UCHL5: variants seen among roughly 807,000 people sequenced by gnomAD.
UCHL5 encodes the protein ubiquitin C-terminal hydrolase L5, also known as ubiquitin carboxyl-terminal hydrolase isozyme L5.
Under a neutral mutation model 53.8 loss-of-function variants are expected in UCHL5, and 34 were observed. That is an observed-to-expected ratio of 0.63 (90% CI 0.48 to 0.84). UCHL5 has a LOEUF of 0.84. Ranked by LOEUF, UCHL5 falls within the 40% of genes least tolerant of loss-of-function variation. UCHL5 has a pLI of 0.00. For synonymous variants in UCHL5, 111 were observed against 126.3 expected (o/e 0.88, Z 0.81); for missense variants, 290 against 385.6 (o/e 0.75, Z 2.08).
intron 7 of UCHL5, 133 bp downstream of exon 7, chr1:193,027,952 G>A (rs766873272): frequency 1.3e-5 from 19 of 1,488,572 alleles, no homozygotes; most frequent in Middle Eastern, 4.1e-4. Flanking sequence ...GTGAAAACCC[G>A]TCTCTACGAA....
At chr1:193,043,151 T>TAAAAAAAAAAAAAAAAAAAA (rs200951342) in intron 3 of UCHL5, among the ~76,000 whole-genome samples, 8 of 36,372 alleles carry the variant, frequency 2.2e-4, no homozygotes, top group African/African-American at 6.6e-4. Context: ...TCTTGAATAT[T>TAAAAAAAAAAAAAAAAAAAA]AAAAAAAAAA....
chr1:193,046,990 C>G (rs1667539882), intron 3 of UCHL5, among the ~76,000 whole-genome samples: 1 of 151,982 alleles, frequency 6.6e-6, no homozygotes, highest in Non-Finnish European at 1.5e-5. Flanking sequence ...GGATGTACTA[C>G]ATATTATCTC....
intron 3 of UCHL5, among the ~76,000 whole-genome samples, chr1:193,039,032 A>G (rs998667660): frequency 1.3e-5 from 2 of 152,226 alleles, no homozygotes; most frequent in African/African-American, 4.8e-5. Context: ...TACAAAAATC[A>G]GCTGCTATTA....
At chr1:193,016,420 C>T (rs1654919101) in intron 10 of UCHL5, 25 bp from the exon 11 acceptor site, 1 of 1,594,988 alleles carries the variant, frequency 6.3e-7, no homozygotes, top group African/African-American at 1.4e-5. Context: ...TAGTATGTTA[C>T]AAAATTTTAA....
At position 193,059,175 on chromosome 1, in the gene UCHL5, T is replaced by C; in HGVS notation, c.76+10A>G. 1 of 1,603,308 alleles carries C rather than the reference T, an allele frequency of 6.2e-7. No individual in the cohort carries two copies. Among genetic ancestry groups the C allele is most frequent in the Non-Finnish European group, 8.5e-7 (1 of 1,174,556 alleles). On this transcript the variant is annotated intron_variant, in intron 1 of 10. Transcript: ENST00000367454. This position sits in a 1 kb window ranked among gnomAD's most constrained non-coding sequence, Gnocchi z 4.9. ...GACCCCAGGCCCAGGACGGTCCCCT[T>C]GGTTCTCACCGAATCCTTTAATGAG...
chr1:193,039,240 T>A (rs768658782), intron 3 of UCHL5, among the ~76,000 whole-genome samples: 5 of 151,648 alleles, frequency 3.3e-5, no homozygotes, highest in Admixed American at 1.3e-4. Context: ...CAAAATCCTA[T>A]CTCTACTAAA....
At position 193,016,249 on chromosome 1, in the gene UCHL5, G is replaced by A. The variant is rs1025250248; in HGVS notation, c.*102C>T. ...AGACAGGCTGGCACTATTGCCAAAC[G>A]TGCACTGAGCCAATTAGGATGTTGC... is the stretch of plus-strand genomic sequence containing the variant. On this transcript the variant is annotated 3_prime_UTR_variant, in exon 11 of 11. Transcript: ENST00000367454. The A allele has an allele frequency of 1.1e-5, 15 of 1,359,322 alleles. No individual in the cohort carries two copies. Among genetic ancestry groups the A allele is most frequent in the African/African-American group, 6.0e-5 (4 of 67,014 alleles). 84.2% of individuals were successfully genotyped at this position (1,359,322 alleles called of 1,614,324 possible). A position where few individuals can be genotyped will look rare whatever the true frequency, so the allele number is the denominator to read the frequency against.
At chr1:193,049,574 A>C in intron 3 of UCHL5, 172 bp downstream of exon 3, 1 of 449,630 alleles carries the variant, frequency 2.2e-6, no homozygotes, top group Non-Finnish European at 4.0e-6. Flanking sequence ...CCCAGAAACA[A>C]AAGCTCTTTT....
In UCHL5 at chr1:193,016,154, T is replaced by G; in HGVS notation, c.*197A>C. The G allele has an allele frequency of 1.9e-6, 1 of 520,412 alleles. No homozygotes were observed. Among genetic ancestry groups the G allele is most frequent in the Middle Eastern group, 3.8e-4 (1 of 2,646 alleles). The allele number at this position is 520,412 out of a possible 1,614,324, so 32.2% of individuals were successfully genotyped here. On this transcript the variant is annotated 3_prime_UTR_variant, in exon 11 of 11. Transcript: ENST00000367454. ...TGGGAAAGCATTCTTAATATCACTT[T>G]CATTTAATATGCACTACATGCACAT...
At chr1:193,049,147 T>C (rs1171409887) in intron 3 of UCHL5, among the ~76,000 whole-genome samples, 1 of 152,234 alleles carries the variant, frequency 6.6e-6, no homozygotes, top group Non-Finnish European at 1.5e-5. Context: ...GCACAGTGAC[T>C]CACGCCTGTA....
chr1:193,037,825 C>T (rs1233169685), intron 3 of UCHL5, among the ~76,000 whole-genome samples: 2 of 144,186 alleles, frequency 1.4e-5, no homozygotes, highest in African/African-American at 5.2e-5. Context: ...CAACATGGCA[C>T]ATGTATACAT....
At chr1:193,056,142 C>T (rs1392013263) in intron 1 of UCHL5, among the ~76,000 whole-genome samples, 1 of 152,120 alleles carries the variant, frequency 6.6e-6, no homozygotes, top group Non-Finnish European at 1.5e-5. Context: ...TTGTACATTT[C>T]ATCTAAATTG....
intron 3 of UCHL5, among the ~76,000 whole-genome samples, chr1:193,044,036 C>T (rs1175832158): frequency 6.6e-6 from 1 of 152,096 alleles, no homozygotes; most frequent in Non-Finnish European, 1.5e-5. Context: ...CTGGGGATCC[C>T]CCCACCACAA....
At chr1:193,055,486 A>C (rs1452367891) in intron 1 of UCHL5, among the ~76,000 whole-genome samples, 2 of 152,228 alleles carry the variant, frequency 1.3e-5, no homozygotes, top group Non-Finnish European at 2.9e-5. Flanking sequence ...CTACTATGCT[A>C]TAAGTAATAC....
chr1:193,026,943 A>T (rs1219417582), intron 7 of UCHL5, among the ~76,000 whole-genome samples: 1 of 152,242 alleles, frequency 6.6e-6, no homozygotes, highest in African/African-American at 2.4e-5. Context: ...GATACACTTA[A>T]AAACTTGGAA....
intron 6 of UCHL5, among the ~76,000 whole-genome samples, chr1:193,028,544 AAG>A (rs1296596978): frequency 3.3e-5 from 5 of 152,172 alleles, no homozygotes; most frequent in Non-Finnish European, 7.4e-5. Context: ...AAAAAAGAAA[AAG>A]AAAATTTAAT....
intron 7 of UCHL5, 114 bp from the exon 8 acceptor site, chr1:193,024,060 A>C: frequency 2.6e-6 from 2 of 770,690 alleles, no homozygotes; most frequent in Non-Finnish European, 4.0e-6. Context: ...AAAGTCTATC[A>C]ATTGGCTAGC....
At chr1:193,030,398 C>A (rs1660937182) in intron 3 of UCHL5, among the ~76,000 whole-genome samples, 1 of 152,132 alleles carries the variant, frequency 6.6e-6, no homozygotes, top group African/African-American at 2.4e-5. Flanking sequence ...AGGTAAGTGC[C>A]CAAGGGCACA....
At chr1:193,020,687 C>T (rs564287068) in intron 10 of UCHL5, among the ~76,000 whole-genome samples, 29 of 151,854 alleles carry the variant, frequency 1.9e-4, no homozygotes, top group Non-Finnish European at 2.8e-4. Flanking sequence ...AAACCTATTT[C>T]GTAGTACAGG....
Sources: allele counts gnomAD v4.1 joint callset (sites outside exome capture counted in the v4.1 genomes callset), GRCh38; gene constraint gnomAD v4.1.1; non-coding constraint Gnocchi (gnomAD v3.1); transcripts MANE v1.5; gene names NCBI Gene and HGNC (gene_info 2026-07-23, HGNC 2026-07-21).